DPP10: variants seen among roughly 807,000 people sequenced by gnomAD.
DPP10 encodes dipeptidyl peptidase like 10.
A neutral mutation model predicts 120.9 loss-of-function variants in DPP10; 33 were observed. The ratio of observed to expected loss-of-function variants is 0.27; its 90% confidence interval spans 0.21 to 0.37. The LOEUF is 0.37. Ranked by LOEUF, DPP10 falls within the 10% of genes least tolerant of loss-of-function variation. The probability of loss-of-function intolerance (pLI) is 1.00; values close to 1 mark genes in which losing one functional copy is unlikely to be tolerated. For synonymous variants in DPP10, 337 were observed against 326.1 expected (o/e 1.03, Z -0.36); for missense variants, 816 against 942.8 (o/e 0.87, Z 1.76).
chr2:114,943,387 C>A (rs769137501), intron 1 of DPP10, among the ~76,000 whole-genome samples: 2 of 152,188 alleles, frequency 1.3e-5, no homozygotes, highest in Non-Finnish European at 2.9e-5. Context: ...GATTCTCCTG[C>A]ATCAGCCTCC....
At chr2:114,681,777 T>A (rs867797823) in intron 1 of DPP10, among the ~76,000 whole-genome samples, 1 of 152,102 alleles carries the variant, frequency 6.6e-6, no homozygotes, top group African/African-American at 2.4e-5. Context: ...CCTATTTTTA[T>A]TTCTTTGTCA....
chr2:115,039,619 G>A (rs1704485564), intron 1 of DPP10, among the ~76,000 whole-genome samples: 1 of 152,032 alleles, frequency 6.6e-6, no homozygotes, highest in South Asian at 2.1e-4. Context: ...CAGAGCAGGT[G>A]CATTCGAAAA....
chr2:115,419,560 G>A (rs1292151334), intron 3 of DPP10, among the ~76,000 whole-genome samples: 2 of 152,056 alleles, frequency 1.3e-5, no homozygotes, highest in Non-Finnish European at 2.9e-5. Flanking sequence ...CTCCCACAAA[G>A]CCCCACCTCC....
At chr2:115,095,589 T>TG (rs377291007) in intron 1 of DPP10, among the ~76,000 whole-genome samples, 29,765 of 149,382 alleles carry the variant, frequency 0.2, 3,508 homozygotes, top group East Asian at 0.34. Context: ...TTTTTTGTTT[T>TG]TTTTTTTTGA....
chr2:115,722,907 T>C (rs1474400239), intron 7 of DPP10, among the ~76,000 whole-genome samples: 1 of 152,070 alleles, frequency 6.6e-6, no homozygotes, highest in South Asian at 2.1e-4. Context: ...GGGGCCAAAG[T>C]GGTGGTATGC....
chr2:115,562,175 GT>G (rs2080728359), intron 5 of DPP10, among the ~76,000 whole-genome samples: 1 of 152,182 alleles, frequency 6.6e-6, no homozygotes, highest in Non-Finnish European at 1.5e-5. Context: ...TCATCGGGCT[GT>G]ACAAATCCTT....
chr2:115,701,087 C>A (rs751312570), intron 7 of DPP10, among the ~76,000 whole-genome samples: 89 of 151,938 alleles, frequency 5.9e-4, no homozygotes, highest in Non-Finnish European at 9.3e-4. Context: ...TATAGAAAAG[C>A]CTATCCTAGA....
chr2:115,499,083 T>G (rs2076551091), intron 3 of DPP10, among the ~76,000 whole-genome samples: 1 of 152,034 alleles, frequency 6.6e-6, no homozygotes, highest in South Asian at 2.1e-4. Context: ...TGCATGAGAA[T>G]GATTCAATCT....
At chr2:115,407,871 GA>G (rs145218376) in intron 3 of DPP10, among the ~76,000 whole-genome samples, 3 of 150,658 alleles carry the variant, frequency 2.0e-5, no homozygotes, top group South Asian at 2.1e-4. Flanking sequence ...GAGGAAAAAG[GA>G]AAAAAAAAGT....
intron 5 of DPP10, among the ~76,000 whole-genome samples, chr2:115,592,274 A>C (rs141736562): frequency 6.6e-6 from 1 of 152,342 alleles, no homozygotes; most frequent in African/African-American, 2.4e-5. Flanking sequence ...TTTAGTTGTA[A>C]GGCAGGTTAT....
intron 5 of DPP10, among the ~76,000 whole-genome samples, chr2:115,688,034 A>AAGAGAGAGAGAGAGAGAG (rs70941088): frequency 6.7e-6 from 1 of 150,200 alleles, no homozygotes; most frequent in Non-Finnish European, 1.5e-5. Context: ...GAGAGAGAAA[A>AAGAGAGAGAGAGAGAGAG]AGAGAGAGAG....
intron 1 of DPP10, among the ~76,000 whole-genome samples, chr2:114,567,032 C>A (rs537751442): frequency 6.6e-6 from 1 of 152,150 alleles, no homozygotes; most frequent in Non-Finnish European, 1.5e-5. Context: ...ACAACCCTTG[C>A]CTCTGACTAC....
intron 1 of DPP10, among the ~76,000 whole-genome samples, chr2:115,070,848 T>G (rs1428946859): frequency 6.6e-6 from 1 of 152,196 alleles, no homozygotes; most frequent in Non-Finnish European, 1.5e-5. Flanking sequence ...ATTAACTAAC[T>G]TAGAATTTTC....
At chr2:115,068,793 G>C (rs1009798618) in intron 1 of DPP10, among the ~76,000 whole-genome samples, 7 of 152,068 alleles carry the variant, frequency 4.6e-5, no homozygotes, top group African/African-American at 1.7e-4. Flanking sequence ...ATTTAGATAA[G>C]CAGTTTTCCC....
At chr2:115,806,566 A>G (rs1286229396) in intron 19 of DPP10, among the ~76,000 whole-genome samples, 7 of 152,208 alleles carry the variant, frequency 4.6e-5, no homozygotes, top group Non-Finnish European at 1.5e-5. Flanking sequence ...ACCATACATT[A>G]CTGAAGGTGT....
At chr2:114,947,861 T>C (rs1380522785) in intron 1 of DPP10, among the ~76,000 whole-genome samples, 1 of 152,076 alleles carries the variant, frequency 6.6e-6, no homozygotes, top group Non-Finnish European at 1.5e-5. Flanking sequence ...TTTTTGAATT[T>C]TCCTTTGGCT....
At chr2:114,675,139 A>G (rs1378123038) in intron 1 of DPP10, among the ~76,000 whole-genome samples, 1 of 152,098 alleles carries the variant, frequency 6.6e-6, no homozygotes, top group Non-Finnish European at 1.5e-5. Flanking sequence ...CCTCCTCATC[A>G]GTTTCCTGAT....
chr2:115,842,473 T>G lies in DPP10; in HGVS notation c.*128T>G. ...CGGAGATGTCACTGGAGCAGCACGC[T>G]CAGAGACAGTGAACTAGCATTTGAA... On this transcript the variant is annotated 3_prime_UTR_variant, in exon 26 of 26. Transcript: ENST00000410059. The G allele has an allele frequency of 1.9e-6, 2 of 1,077,010 alleles. No individual in the cohort carries two copies. Among genetic ancestry groups the G allele is most frequent in the Non-Finnish European group, 2.6e-6 (2 of 778,614 alleles). The allele number at this position is 1,077,010 out of a possible 1,614,324, so 66.7% of individuals were successfully genotyped here.
At chr2:115,082,942 C>T (rs1188097036) in intron 1 of DPP10, among the ~76,000 whole-genome samples, 1 of 152,152 alleles carries the variant, frequency 6.6e-6, no homozygotes, top group Non-Finnish European at 1.5e-5. Flanking sequence ...TTAAATTGTT[C>T]TTCTTAAAAT....
Sources: allele counts gnomAD v4.1 joint callset (sites outside exome capture counted in the v4.1 genomes callset), GRCh38; gene constraint gnomAD v4.1.1; transcripts MANE v1.5; gene names NCBI Gene and HGNC (gene_info 2026-07-23, HGNC 2026-07-21).